TRIM44: variants seen among roughly 807,000 people sequenced by gnomAD.
TRIM44 encodes the protein tripartite motif containing 44, also known as tripartite motif-containing protein 44.
Under a neutral mutation model 37.4 loss-of-function variants are expected in TRIM44, and 13 were observed. The observed-to-expected ratio is 0.35, with a 90% CI of 0.23 to 0.55. The LOEUF (loss-of-function observed/expected upper bound fraction) is 0.55. TRIM44 is among the 20% of genes least tolerant of loss of function. TRIM44 has a pLI of 0.89. For missense variants in TRIM44, 426 were observed against 437.2 expected, an observed-to-expected ratio of 0.97 and a Z score of 0.23; for synonymous variants, 175 against 157.2, an observed-to-expected ratio of 1.11 and a Z score of -0.85.
intron 4 of TRIM44, among the ~76,000 whole-genome samples, chr11:35,761,209 G>T (rs972701078): frequency 1.3e-5 from 2 of 152,070 alleles, no homozygotes; most frequent in African/African-American, 4.8e-5. Context: ...GGTTGCTTAA[G>T]TTGATTCCAC....
At position 35,760,353 on chromosome 11, in the gene TRIM44, A is replaced by G. The variant is rs529708593; in HGVS notation, c.1007+24908A>G. Among the ~76,000 whole-genome samples, 172 of 152,358 alleles carry G rather than the reference A, an allele frequency of 1.1e-3. 2 individuals are homozygous for G. The highest frequency in any genetic ancestry group is 2.0e-3 in the Non-Finnish European group (134 of 68,034). ...GCTAAGACCGTTGGAAAAGTGCAGT[A>G]TTAGGGTGGGAGTGACCTGATGTTA... On this transcript the variant is annotated intron_variant, in intron 4 of 4. Coordinates refer to ENST00000299413, the MANE Select transcript of TRIM44 (RefSeq NM_017583.6).
intron 4 of TRIM44, among the ~76,000 whole-genome samples, chr11:35,754,360 C>T (rs1191800768): frequency 6.6e-6 from 1 of 152,124 alleles, no homozygotes; most frequent in Admixed American, 6.5e-5. Flanking sequence ...ATGCTGCCTG[C>T]TGCTCACTCT....
At chr11:35,687,347 A>G (rs899991885) in intron 2 of TRIM44, among the ~76,000 whole-genome samples, 9 of 152,244 alleles carry the variant, frequency 5.9e-5, no homozygotes, top group South Asian at 2.1e-4. Flanking sequence ...TCAGGGTTCC[A>G]GAAGTAGAGA....
intron 4 of TRIM44, among the ~76,000 whole-genome samples, chr11:35,751,884 T>C (rs1285737802): frequency 6.6e-6 from 1 of 152,282 alleles, no homozygotes; most frequent in South Asian, 2.1e-4. Flanking sequence ...TGAGAGGTGG[T>C]TTTGCTATTT....
intron 2 of TRIM44, among the ~76,000 whole-genome samples, chr11:35,695,208 G>C (rs1360433702): frequency 6.6e-6 from 1 of 152,000 alleles, no homozygotes; most frequent in African/African-American, 2.4e-5. Context: ...AATGCTTTAA[G>C]GACTCAGGAA....
At chr11:35,763,586 G>T (rs1245529545) in intron 4 of TRIM44, among the ~76,000 whole-genome samples, 1 of 152,144 alleles carries the variant, frequency 6.6e-6, no homozygotes, top group Non-Finnish European at 1.5e-5. Flanking sequence ...GGTCCCTAAG[G>T]TTCCTTCCAG....
In TRIM44 at chr11:35,663,793, C is replaced by T. The variant is rs1027989711; in HGVS notation, c.669+13C>T. The T allele has an allele frequency of 6.2e-7, 1 of 1,607,112 alleles. No homozygotes were observed. Among genetic ancestry groups the T allele is most frequent in the Non-Finnish European group, 8.5e-7 (1 of 1,177,016 alleles). On this transcript the variant is annotated intron_variant, in intron 1 of 4. Coordinates refer to ENST00000299413, the MANE Select transcript of TRIM44 (RefSeq NM_017583.6). ...TGAAGAATTAAGAGTAAGTATTGGG[C>T]CTTCAGAGCATAAACCTAGGGGTCA...
chr11:35,689,675 A>G (rs1307427918), intron 2 of TRIM44, among the ~76,000 whole-genome samples: 2 of 152,110 alleles, frequency 1.3e-5, no homozygotes, highest in Non-Finnish European at 2.9e-5. Context: ...ATTTTTAAGA[A>G]ATTTAGAGCT....
chr11:35,742,494 A>T (rs1176481631), intron 4 of TRIM44, among the ~76,000 whole-genome samples: 1 of 135,518 alleles, frequency 7.4e-6, no homozygotes, highest in East Asian at 2.0e-4. Flanking sequence ...TGTATTATAT[A>T]TAATTATATT....
intron 1 of TRIM44, among the ~76,000 whole-genome samples, chr11:35,671,577 T>C (rs7131682): frequency 0.031 from 4,788 of 152,302 alleles, 124 homozygotes; most frequent in South Asian, 0.13. Context: ...GTGGCTGATA[T>C]TGGCAATAGA....
intron 4 of TRIM44, among the ~76,000 whole-genome samples, chr11:35,753,268 G>A (rs1852581171): frequency 6.6e-6 from 1 of 152,142 alleles, no homozygotes; most frequent in South Asian, 2.1e-4. Context: ...TTATAGACAT[G>A]GAAGAGAAAG....
intron 1 of TRIM44, among the ~76,000 whole-genome samples, chr11:35,684,184 T>C (rs114661769): frequency 6.6e-6 from 1 of 152,294 alleles, no homozygotes; most frequent in African/African-American, 2.4e-5. Flanking sequence ...CACATGTGGC[T>C]TTGGAGCACT....
chr11:35,725,896 ATTC>A (rs1456202123), intron 2 of TRIM44, 25 bp from the exon 3 acceptor site: 10 of 1,609,090 alleles, frequency 6.2e-6, no homozygotes, highest in African/African-American at 1.3e-5. Context: ...TGTTCAACTT[ATTC>A]TTCTTATTTG....
intron 4 of TRIM44, among the ~76,000 whole-genome samples, chr11:35,741,629 A>G (rs1049090448): frequency 6.6e-6 from 1 of 152,176 alleles, no homozygotes. Flanking sequence ...TTTAACTCTA[A>G]TCAATTTGTT....
intron 2 of TRIM44, among the ~76,000 whole-genome samples, chr11:35,702,771 T>TA (rs2077250402): frequency 6.6e-6 from 1 of 152,174 alleles, no homozygotes; most frequent in Non-Finnish European, 1.5e-5. Flanking sequence ...TTATAAAACA[T>TA]ACACTGAAAG....
chr11:35,693,978 C>T (rs1407863788), intron 2 of TRIM44, among the ~76,000 whole-genome samples: 2 of 152,048 alleles, frequency 1.3e-5, no homozygotes, highest in Non-Finnish European at 2.9e-5. Context: ...TAAACCAAAC[C>T]ACCTAAAATC....
At chr11:35,678,871 A>T (rs1482576319) in intron 1 of TRIM44, among the ~76,000 whole-genome samples, 2 of 152,104 alleles carry the variant, frequency 1.3e-5, no homozygotes, top group Non-Finnish European at 2.9e-5. Flanking sequence ...AAGTGCTGGG[A>T]TTACAGGTAT....
At chr11:35,707,446 G>A (rs548257323) in intron 2 of TRIM44, among the ~76,000 whole-genome samples, 6 of 152,046 alleles carry the variant, frequency 3.9e-5, no homozygotes, top group Admixed American at 1.3e-4. Context: ...AAAAGAGCCC[G>A]CATCACCAAG....
intron 2 of TRIM44, among the ~76,000 whole-genome samples, chr11:35,692,031 A>G (rs1161613648): frequency 2.0e-5 from 3 of 152,208 alleles, no homozygotes; most frequent in African/African-American, 7.2e-5. Flanking sequence ...CGTTTGCACC[A>G]TCATAAAGTA....
Sources: allele counts gnomAD v4.1 joint callset (sites outside exome capture counted in the v4.1 genomes callset), GRCh38; gene constraint gnomAD v4.1.1; transcripts MANE v1.5; gene names NCBI Gene and HGNC (gene_info 2026-07-23, HGNC 2026-07-21).